CNTNAP2: variants seen among roughly 807,000 people sequenced by gnomAD.
CNTNAP2 encodes the protein contactin-associated protein-like 2.
In CNTNAP2, 98 loss-of-function variants were observed where a neutral mutation model predicts 155.2. The observed-to-expected ratio is 0.63, with a 90% CI of 0.54 to 0.75. The LOEUF (loss-of-function observed/expected upper bound fraction) is 0.75, where lower values mean the gene tolerates loss of function less well. CNTNAP2 is among the 30% of genes least tolerant of loss of function. The probability of loss-of-function intolerance (pLI) is 0.00; values close to 1 mark genes in which losing one functional copy is unlikely to be tolerated. For synonymous variants in CNTNAP2, 651 were observed against 631.2 expected (o/e 1.03, Z -0.47); for missense variants, 1,727 against 1,688.1 (o/e 1.02, Z -0.40).
chr7:147,150,324 G>C lies in CNTNAP2; in HGVS notation c.1348+17815G>C, dbSNP rs138902365. Among the ~76,000 whole-genome samples, 393 of 152,204 alleles carry C rather than the reference G, an allele frequency of 2.6e-3. 3 individuals are homozygous for C. The highest frequency in any genetic ancestry group is 9.0e-3 in the African/African-American group (373 of 41,530). ...AAAGCCAGCAAAAAGACAGAGAATG[G>C]GCAATCAGATAAGAAGAACTCAAAG... On this transcript the variant is annotated intron_variant, in intron 8 of 23. Coordinates refer to ENST00000361727, the MANE Select transcript of CNTNAP2 (RefSeq NM_014141.6).
At position 146,393,694 on chromosome 7, in the gene CNTNAP2, T is replaced by A. The variant is rs546224063; in HGVS notation, c.97+276721T>A. ...TGTTATCTCTCGATACTTGCTTAAT[T>A]CTCTGGAATGTCTTCATAGATGTGG... is the stretch of plus-strand genomic sequence containing the variant. On this transcript the variant is annotated intron_variant, in intron 1 of 23. Coordinates refer to ENST00000361727, the MANE Select transcript of CNTNAP2 (RefSeq NM_014141.6). 2.0e-5 allele frequency among the ~76,000 whole-genome samples: 3 copies of A among 152,310 alleles called. No individual in the cohort carries two copies. The South Asian group carries it at 6.2e-4, about 32-fold the overall frequency.
At chr7:146,218,167 A>G (rs1313571149) in intron 1 of CNTNAP2, among the ~76,000 whole-genome samples, 1 of 152,146 alleles carries the variant, frequency 6.6e-6, no homozygotes, top group African/African-American at 2.4e-5. Flanking sequence ...AACGTTGTGC[A>G]CAAGACCCAG....
At chr7:146,837,947 C>G (rs1038228049) in intron 2 of CNTNAP2, among the ~76,000 whole-genome samples, 2 of 152,178 alleles carry the variant, frequency 1.3e-5, no homozygotes, top group Non-Finnish European at 2.9e-5. Context: ...CTCCCTTTAC[C>G]TGGTCTTGTG....
chr7:148,291,072 C>T lies in CNTNAP2; in HGVS notation c.3475+23946C>T, dbSNP rs138758098. Among the ~76,000 whole-genome samples, 1,104 of 151,968 alleles carry T rather than the reference C, an allele frequency of 7.3e-3. 11 individuals carry two copies. Among genetic ancestry groups the T allele is most frequent in the African/African-American group, 0.026 (1,058 of 41,434 alleles). ...TTATACTTCTATGAATGTAGATCTT[C>T]ACCATCTGATGGTGCTGAGTCCTAC... On this transcript the variant is annotated intron_variant, in intron 21 of 23. Transcript: ENST00000361727.
At chr7:146,261,436 A>C (rs1205642488) in intron 1 of CNTNAP2, among the ~76,000 whole-genome samples, 1 of 151,822 alleles carries the variant, frequency 6.6e-6, no homozygotes, top group African/African-American at 2.4e-5. Flanking sequence ...TCCCAAATAC[A>C]CATGCAATTA....
At chr7:146,236,764 C>T (rs1420173064) in intron 1 of CNTNAP2, among the ~76,000 whole-genome samples, 2 of 151,826 alleles carry the variant, frequency 1.3e-5, no homozygotes, top group African/African-American at 4.8e-5. Context: ...AAATTCCATA[C>T]TAATGACCCC....
chr7:147,125,916 C>T (rs142191029), intron 6 of CNTNAP2, among the ~76,000 whole-genome samples: 15 of 152,194 alleles, frequency 9.9e-5, no homozygotes, highest in South Asian at 4.1e-4. Flanking sequence ...GGCTGCTCCA[C>T]GATCTTCAAG....
Position 148,418,775 on chromosome 7 carries a change from G to C in CNTNAP2, c.*3159G>C, listed in dbSNP as rs1306552099. The C allele has an allele frequency of 1.3e-5, 2 of 152,212 alleles. No individual in the cohort carries two copies. The highest frequency in any genetic ancestry group is 2.9e-5 in the Non-Finnish European group (2 of 68,036). The allele number at this position is 152,212 out of a possible 1,614,324, so 9.4% of individuals were successfully genotyped here. The stretch of plus-strand genomic sequence containing the variant: ...TTGTTACATGAAAGTTTTCATTAAA[G>C]AGCTGAAAACAAGAATTTAGAGAGC... On this transcript the variant is annotated 3_prime_UTR_variant, in exon 24 of 24. Transcript: ENST00000361727.
intron 1 of CNTNAP2, among the ~76,000 whole-genome samples, chr7:146,122,586 C>T (rs1797579101): frequency 6.6e-6 from 1 of 152,104 alleles, no homozygotes; most frequent in Non-Finnish European, 1.5e-5. Context: ...AAGAATAAGA[C>T]TTGGTTTTTC....
chr7:148,286,272 A>C (rs541571134), intron 21 of CNTNAP2, among the ~76,000 whole-genome samples: 3 of 152,176 alleles, frequency 2.0e-5, no homozygotes, highest in South Asian at 4.1e-4. Flanking sequence ...GACCATGTCA[A>C]TTCCTGATAA....
chr7:146,238,242 A>G (rs1799505706), intron 1 of CNTNAP2, among the ~76,000 whole-genome samples: 1 of 152,182 alleles, frequency 6.6e-6, no homozygotes, highest in South Asian at 2.1e-4. Flanking sequence ...GTCTTTAGGA[A>G]ATAGGAATCA....
intron 21 of CNTNAP2, among the ~76,000 whole-genome samples, chr7:148,370,453 C>A (rs969133792): frequency 1.3e-5 from 2 of 152,204 alleles, no homozygotes; most frequent in Admixed American, 6.5e-5. Context: ...CTTTACTCCT[C>A]AGGCTGTTTC....
chr7:147,133,323 G>T (rs1801413613), intron 8 of CNTNAP2, among the ~76,000 whole-genome samples: 2 of 151,984 alleles, frequency 1.3e-5, no homozygotes, highest in South Asian at 4.1e-4. Context: ...ATATTGTGAA[G>T]AACTACTTAG....
intron 9 of CNTNAP2, among the ~76,000 whole-genome samples, chr7:147,354,427 T>A (rs1158238674): frequency 6.6e-6 from 1 of 152,180 alleles, no homozygotes; most frequent in Non-Finnish European, 1.5e-5. Context: ...GTCAGGTTTG[T>A]CAAAGATCAG....
rs139231429 is a variant in CNTNAP2, at chr7:147,073,539, T to C, written c.550+29485T>C. ...TAATTGAAACCGTGTTTGGATGAGA[T>C]CACCTAAGGGTGAGAATAGAGGGTG... On this transcript the variant is annotated intron_variant, in intron 4 of 23. Coordinates refer to ENST00000361727, the MANE Select transcript of CNTNAP2 (RefSeq NM_014141.6). Among the ~76,000 whole-genome samples, 704 of 152,188 alleles carry C rather than the reference T, an allele frequency of 4.6e-3. 5 individuals are homozygous for C. Among genetic ancestry groups the C allele is most frequent in the Middle Eastern group, 0.01 (3 of 294 alleles).
intron 10 of CNTNAP2, among the ~76,000 whole-genome samples, chr7:147,412,302 T>C (rs1219083328): frequency 1.3e-5 from 2 of 152,168 alleles, no homozygotes. Context: ...GCCTCAGATG[T>C]TCTTTCAGTG....
chr7:146,363,060 C>T (rs571657943), intron 1 of CNTNAP2, among the ~76,000 whole-genome samples: 6 of 135,554 alleles, frequency 4.4e-5, no homozygotes, highest in East Asian at 4.1e-4. Context: ...TGAGCCACCG[C>T]GCCTGGCCCA....
intron 1 of CNTNAP2, among the ~76,000 whole-genome samples, chr7:146,330,362 G>A (rs941924436): frequency 1.2e-4 from 19 of 152,094 alleles, no homozygotes; most frequent in African/African-American, 4.6e-4. Context: ...GACAAGCACT[G>A]TTTTAGATTC....
intron 1 of CNTNAP2, among the ~76,000 whole-genome samples, chr7:146,239,885 G>A (rs1799531790): frequency 6.6e-6 from 1 of 152,022 alleles, no homozygotes; most frequent in Admixed American, 6.6e-5. Context: ...AATCTTTCTT[G>A]TAAGTTATCT....
Sources: gnomAD v4.1 joint callset for allele counts (sites outside exome capture counted in the v4.1 genomes callset) on GRCh38, gnomAD v4.1.1 for gene constraint, MANE v1.5 for transcripts, NCBI Gene and HGNC (gene_info 2026-07-23, HGNC 2026-07-21) for gene names.